Variants in CYP39A1 observed in about 807,000 individuals in gnomAD.
CYP39A1 encodes 24-hydroxycholesterol 7-alpha-hydroxylase.
In CYP39A1, 49 loss-of-function variants were observed where a neutral mutation model predicts 58.1. That is an observed-to-expected ratio of 0.84 (90% CI 0.67 to 1.07). The LOEUF (loss-of-function observed/expected upper bound fraction) is 1.07, where lower values mean the gene tolerates loss of function less well. Ranked by LOEUF, CYP39A1 falls within the 50% of genes least tolerant of loss-of-function variation. The pLI is 0.00. For missense variants in CYP39A1, 531 were observed against 539.4 expected, an observed-to-expected ratio of 0.98 and a Z score of 0.16; for synonymous variants, 209 against 187.6, an observed-to-expected ratio of 1.11 and a Z score of -0.93.
chr6:46,647,903 A>AT (rs1420596122), intron 1 of CYP39A1, among the ~76,000 whole-genome samples: 3 of 152,062 alleles, frequency 2.0e-5, no homozygotes, highest in African/African-American at 7.2e-5. Flanking sequence ...GATTGCAAAA[A>AT]TTTTTTCCCA....
At chr6:46,626,839 C>T (rs932235695) in intron 6 of CYP39A1, among the ~76,000 whole-genome samples, 1 of 152,134 alleles carries the variant, frequency 6.6e-6, no homozygotes, top group African/African-American at 2.4e-5. Context: ...AATAACTACT[C>T]CATACTCACT....
intron 7 of CYP39A1, among the ~76,000 whole-genome samples, chr6:46,612,299 C>T (rs988277865): frequency 6.6e-6 from 1 of 152,114 alleles, no homozygotes; most frequent in South Asian, 2.1e-4. Context: ...ATTAGACATG[C>T]AAGTCTCACC....
intron 8 of CYP39A1, among the ~76,000 whole-genome samples, chr6:46,595,426 C>G (rs1412894977): frequency 6.6e-6 from 1 of 151,940 alleles, no homozygotes; most frequent in Non-Finnish European, 1.5e-5. Flanking sequence ...GAAATGCTCT[C>G]ATTTGTGACA....
intron 7 of CYP39A1, among the ~76,000 whole-genome samples, chr6:46,596,637 A>G (rs1773180867): frequency 6.6e-6 from 1 of 151,894 alleles, no homozygotes; most frequent in Admixed American, 6.6e-5. Context: ...CAAGTATCTG[A>G]GCTGGAAGAA....
chr6:46,636,912 C>A (rs1393513069), intron 4 of CYP39A1, among the ~76,000 whole-genome samples: 1 of 152,142 alleles, frequency 6.6e-6, no homozygotes, highest in African/African-American at 2.4e-5. Context: ...TCTACGTAGG[C>A]TATGGTCTGA....
intron 10 of CYP39A1, among the ~76,000 whole-genome samples, chr6:46,554,456 T>C (rs1770567176): frequency 6.6e-6 from 1 of 152,182 alleles, no homozygotes; most frequent in Non-Finnish European, 1.5e-5. Context: ...CCTTTTGCAC[T>C]CCTTGTCTAA....
Position 46,631,062 on chromosome 6 carries a change from C to T in CYP39A1, c.741G>A (p.Leu247=), listed in dbSNP as rs1056355845. 6.2e-7 allele frequency: 1 copy of T among 1,612,164 alleles called. No homozygotes were observed. Among genetic ancestry groups the T allele is most frequent in the African/African-American group, 1.3e-5 (1 of 74,794 alleles). The change falls in exon 6 of 12, where the codon TTG becomes TTA. Residue 247 remains leucine, a synonymous_variant. Transcript: ENST00000275016. Reference sequence around the variant, plus strand: ...TCTCTACAATATCCAGCGTAGCTTGCAATAATGTCTGTTTAAAAGAAATAA... The same window carrying T: ...TCTCTACAATATCCAGCGTAGCTTGTAATAATGTCTGTTTAAAAGAAATAA... ...KSAKDNSMTL[L]QATLDIVETE...
At chr6:46,578,921 CA>C (rs1297077150) in intron 10 of CYP39A1, among the ~76,000 whole-genome samples, 1 of 151,834 alleles carries the variant, frequency 6.6e-6, no homozygotes, top group Non-Finnish European at 1.5e-5. Context: ...TGAAATTATT[CA>C]AAAAAGTCAA....
At chr6:46,631,837 A>C (rs1775679029) in intron 5 of CYP39A1, among the ~76,000 whole-genome samples, 1 of 152,216 alleles carries the variant, frequency 6.6e-6, no homozygotes, top group South Asian at 2.1e-4. Flanking sequence ...ATCCCACTAA[A>C]GTATTTTCTT....
intron 1 of CYP39A1, among the ~76,000 whole-genome samples, chr6:46,643,499 T>C (rs557004559): frequency 6.6e-6 from 1 of 152,348 alleles, no homozygotes; most frequent in South Asian, 2.1e-4. Flanking sequence ...CACTGCTTTC[T>C]AACATTCCTA....
intron 5 of CYP39A1, among the ~76,000 whole-genome samples, chr6:46,632,465 G>GTT (rs370255302): frequency 6.1e-4 from 89 of 145,518 alleles, no homozygotes; most frequent in Non-Finnish European, 1.2e-3. Flanking sequence ...TATTTGTCAG[G>GTT]TTTTTTTTTT....
chr6:46,627,326 T>C (rs1012855353), intron 6 of CYP39A1, among the ~76,000 whole-genome samples: 1 of 152,208 alleles, frequency 6.6e-6, no homozygotes, highest in South Asian at 2.1e-4. Flanking sequence ...TGCCTAAATA[T>C]AGCTTTAGAG....
intron 11 of CYP39A1, among the ~76,000 whole-genome samples, chr6:46,552,519 T>C (rs806506): frequency 0.39 from 59,925 of 152,028 alleles, 14,797 homozygotes; most frequent in African/African-American, 0.7. Flanking sequence ...AAATGTCACC[T>C]AAGAGTTTTA....
intron 1 of CYP39A1, among the ~76,000 whole-genome samples, chr6:46,647,298 C>T (rs965722700): frequency 6.6e-6 from 1 of 152,114 alleles, no homozygotes; most frequent in Non-Finnish European, 1.5e-5. Flanking sequence ...CATCCAAACA[C>T]TAACCAAAAC....
chr6:46,571,773 A>T (rs919948150), intron 10 of CYP39A1, among the ~76,000 whole-genome samples: 6 of 151,972 alleles, frequency 3.9e-5, no homozygotes, highest in African/African-American at 1.4e-4. Context: ...CATTTTGTAA[A>T]AATTTTCTGT....
chr6:46,652,777 C>T lies in CYP39A1; in HGVS notation c.-195G>A. On this transcript the variant is annotated 5_prime_UTR_variant, in exon 1 of 12. It adds an upstream start codon to the 5' untranslated region. Coordinates refer to ENST00000275016, the MANE Select transcript of CYP39A1 (RefSeq NM_016593.5). ...ATTTTTCCATTGTCGCTCCCTCCCACCTCCACTTCTCTTTGAATCTCAGCC... is the reference window on the plus strand; with the variant it reads ...ATTTTTCCATTGTCGCTCCCTCCCATCTCCACTTCTCTTTGAATCTCAGCC... The T allele has an allele frequency of 1.9e-6, 1 of 521,822 alleles. No individual in the cohort carries two copies. The highest frequency in any genetic ancestry group is 3.3e-6 in the Non-Finnish European group (1 of 303,634). 32.3% of individuals were successfully genotyped at this position (521,822 alleles called of 1,614,324 possible). A position where few individuals can be genotyped will look rare whatever the true frequency, so the allele number is the denominator to read the frequency against.
Position 46,601,229 on chromosome 6 carries a change from C to G in CYP39A1, c.932-5109G>C, listed in dbSNP as rs182848889. Among the ~76,000 whole-genome samples, 3 of 152,160 alleles carry G rather than the reference C, an allele frequency of 2.0e-5. No homozygotes were observed. The East Asian group carries it at 5.8e-4, about 29-fold the overall frequency. On this transcript the variant is annotated intron_variant, in intron 7 of 11. Transcript: ENST00000275016. ...TTTGTTTTTATTTGCAAACTAAATC[C>G]TACTTCCATCCACATCATTCCATCT...
At chr6:46,613,900 C>T (rs575891171) in intron 7 of CYP39A1, among the ~76,000 whole-genome samples, 1 of 144,164 alleles carries the variant, frequency 6.9e-6, no homozygotes, top group South Asian at 2.2e-4. Context: ...TCTGGTATTA[C>T]TTTAGTAGTT....
intron 8 of CYP39A1, among the ~76,000 whole-genome samples, chr6:46,593,281 C>T (rs539196003): frequency 4.2e-4 from 64 of 152,202 alleles, no homozygotes; most frequent in Non-Finnish European, 8.2e-4. Flanking sequence ...GGTATCTCTT[C>T]TGGCAAAGTT....
Sources: gnomAD v4.1 joint callset for allele counts (sites outside exome capture counted in the v4.1 genomes callset) on GRCh38, gnomAD v4.1.1 for gene constraint, MANE v1.5 for transcripts, NCBI Gene and HGNC (gene_info 2026-07-23, HGNC 2026-07-21) for gene names.